The following GALNT13 variants were observed in gnomAD, a reference collection of about 807,000 sequenced individuals.
GALNT13 encodes polypeptide N-acetylgalactosaminyltransferase 13, also known as UDP-GalNAc:polypeptide N-acetylgalactosaminyltransferase 13.
A neutral mutation model predicts 64.2 loss-of-function variants in GALNT13; 28 were observed. The observed-to-expected ratio is 0.44, with a 90% confidence interval of 0.32 to 0.60. The LOEUF (loss-of-function observed/expected upper bound fraction) is 0.60, where lower values mean the gene tolerates loss of function less well. GALNT13 is among the 20% of genes least tolerant of loss of function. GALNT13 has a pLI of 0.05. For synonymous variants in GALNT13, 214 were observed against 224.6 expected (o/e 0.95, Z 0.42); for missense variants, 577 against 669.8 (o/e 0.86, Z 1.53).
At chr2:153,904,882 G>T (rs1348315960) in intron 2 of GALNT13, among the ~76,000 whole-genome samples, 1 of 151,742 alleles carries the variant, frequency 6.6e-6, no homozygotes, top group East Asian at 1.9e-4. Context: ...ATATCCAGTT[G>T]TTATAGAATC....
chr2:154,011,152 C>T (rs539402224), intron 3 of GALNT13, among the ~76,000 whole-genome samples: 1 of 151,768 alleles, frequency 6.6e-6, no homozygotes, highest in African/African-American at 2.4e-5. Flanking sequence ...GGTTGGTTTG[C>T]TGTTGTTTTT....
the GALNT13 span, among the ~76,000 whole-genome samples, chr2:153,841,874 A>G: frequency 2.5e-3 from 385 of 152,280 alleles, 11 homozygotes; most frequent in Admixed American, 0.022. Flanking sequence ...AGCAAAGTGC[A>G]CAAAAGATGA....
the GALNT13 span, among the ~76,000 whole-genome samples, chr2:153,575,959 T>C: frequency 2.0e-5 from 3 of 152,154 alleles, no homozygotes; most frequent in Non-Finnish European, 4.4e-5. Flanking sequence ...CTTCAGTTAG[T>C]AGGCGATGAA....
chr2:154,094,278 G>A lies in GALNT13; in HGVS notation c.143-46059G>A, dbSNP rs573164424. 8.6e-5 allele frequency among the ~76,000 whole-genome samples: 13 copies of A among 151,938 alleles called. No individual in the cohort carries two copies. The East Asian group carries it at 2.0e-3, about 23-fold the overall frequency. On this transcript the variant is annotated intron_variant, in intron 3 of 12. Transcript: ENST00000392825. ...ATGAGTAAAGCAATAGGTGCAGATC[G>A]TGAAAGGAAATATCTGGGCCATGTC...
At chr2:153,330,111 C>A in the GALNT13 span, among the ~76,000 whole-genome samples, 1 of 152,152 alleles carries the variant, frequency 6.6e-6, no homozygotes, top group Admixed American at 6.6e-5. Context: ...ATTCTATTTT[C>A]TCTATTCTGT....
At chr2:153,109,098 C>G in the GALNT13 span, among the ~76,000 whole-genome samples, 1 of 152,136 alleles carries the variant, frequency 6.6e-6, no homozygotes, top group African/African-American at 2.4e-5. Context: ...TGCTGTAGAA[C>G]TACTTCTTAA....
At chr2:153,196,565 A>G in the GALNT13 span, among the ~76,000 whole-genome samples, 24 of 152,012 alleles carry the variant, frequency 1.6e-4, no homozygotes, top group Admixed American at 6.5e-4. Flanking sequence ...GAGTGCAGAG[A>G]TGCCTGAGTC....
At chr2:153,711,018 T>C in the GALNT13 span, among the ~76,000 whole-genome samples, 1 of 152,120 alleles carries the variant, frequency 6.6e-6, no homozygotes, top group African/African-American at 2.4e-5. Flanking sequence ...ACTTTCACTC[T>C]AAGTAAAAAC....
intron 7 of GALNT13, among the ~76,000 whole-genome samples, chr2:154,249,449 C>T (rs562967866): frequency 6.8e-4 from 103 of 152,234 alleles, no homozygotes; most frequent in Non-Finnish European, 1.1e-3. Flanking sequence ...AGGAGCCTGG[C>T]TTAAGTCTTA....
intron 4 of GALNT13, among the ~76,000 whole-genome samples, chr2:154,227,193 G>A (rs1688663859): frequency 6.6e-6 from 1 of 152,020 alleles, no homozygotes; most frequent in Non-Finnish European, 1.5e-5. Context: ...GAAATGAGTG[G>A]GTGCACTCTG....
intron 11 of GALNT13, among the ~76,000 whole-genome samples, chr2:154,412,908 T>C (rs1310705300): frequency 6.6e-6 from 1 of 151,896 alleles, no homozygotes; most frequent in Non-Finnish European, 1.5e-5. Context: ...TTATTTTCAT[T>C]GTCAAGCAAC....
At chr2:153,756,380 C>A in the GALNT13 span, among the ~76,000 whole-genome samples, 1 of 152,062 alleles carries the variant, frequency 6.6e-6, no homozygotes, top group East Asian at 1.9e-4. Flanking sequence ...TTGTGCATTG[C>A]TCTGTTAAAT....
the GALNT13 span, among the ~76,000 whole-genome samples, chr2:153,498,008 A>G: frequency 2.0e-5 from 3 of 152,200 alleles, no homozygotes; most frequent in African/African-American, 7.2e-5. Flanking sequence ...TATTAGTACA[A>G]TGGCCAGATA....
At chr2:154,369,464 A>C (rs1321586775) in intron 9 of GALNT13, among the ~76,000 whole-genome samples, 1 of 152,200 alleles carries the variant, frequency 6.6e-6, no homozygotes, top group Admixed American at 6.5e-5. Flanking sequence ...CTGTTTAAGC[A>C]TTGCATGTTT....
intron 3 of GALNT13, among the ~76,000 whole-genome samples, chr2:154,108,253 C>T (rs1048066406): frequency 1.3e-5 from 2 of 151,016 alleles, no homozygotes; most frequent in African/African-American, 4.9e-5. Context: ...CCCTTTTCTC[C>T]ACAACCCTGC....
chr2:154,086,689 A>T (rs1172490876), intron 3 of GALNT13, among the ~76,000 whole-genome samples: 2 of 151,990 alleles, frequency 1.3e-5, no homozygotes, highest in Admixed American at 6.6e-5. Context: ...ACCAATTACA[A>T]ATTACAACGT....
At chr2:153,167,226 T>A in the GALNT13 span, among the ~76,000 whole-genome samples, 1 of 152,326 alleles carries the variant, frequency 6.6e-6, no homozygotes, top group Non-Finnish European at 1.5e-5. Flanking sequence ...TCACATAATA[T>A]GTGGTATCCA....
chr2:153,540,467 A>T, the GALNT13 span, among the ~76,000 whole-genome samples: 3 of 152,228 alleles, frequency 2.0e-5, no homozygotes, highest in African/African-American at 7.2e-5. Context: ...GCTCCCACAC[A>T]GAGTCCCCAC....
chr2:153,360,689 G>A, the GALNT13 span, among the ~76,000 whole-genome samples: 2 of 151,994 alleles, frequency 1.3e-5, no homozygotes, highest in Non-Finnish European at 2.9e-5. Flanking sequence ...AACAACTCCA[G>A]CCAGGGGCTC....
Sources: allele counts gnomAD v4.1 joint callset (sites outside exome capture counted in the v4.1 genomes callset), GRCh38; gene constraint gnomAD v4.1.1; transcripts MANE v1.5; gene names NCBI Gene and HGNC (gene_info 2026-07-23, HGNC 2026-07-21).